Variants in ANKRD28 observed in about 807,000 individuals in gnomAD.
The protein encoded by ANKRD28 is ankyrin repeat domain 28, also known as serine/threonine-protein phosphatase 6 regulatory ankyrin repeat subunit A.
A neutral mutation model predicts 126.5 loss-of-function variants in ANKRD28; 44 were observed. That is an observed-to-expected ratio of 0.35 (90% CI 0.27 to 0.45). The LOEUF (loss-of-function observed/expected upper bound fraction) is 0.45, where lower values mean the gene tolerates loss of function less well. Among genes scored for constraint, ANKRD28 ranks in the 20% least tolerant of loss-of-function variants. The pLI is 1.00. For missense variants in ANKRD28, 1,110 were observed against 1,316.6 expected, an observed-to-expected ratio of 0.84 and a Z score of 2.43; for synonymous variants, 442 against 468.5, an observed-to-expected ratio of 0.94 and a Z score of 0.73.
intron 8 of ANKRD28, among the ~76,000 whole-genome samples, chr3:15,719,121 C>T (rs1156978331): frequency 1.3e-5 from 2 of 152,028 alleles, no homozygotes; most frequent in Admixed American, 6.6e-5. Context: ...TATTAGGGCA[C>T]TTTGTGACAT....
intron 4 of ANKRD28, among the ~76,000 whole-genome samples, chr3:15,741,697 C>CTTTTTTTTTT (rs58655271): frequency 4.8e-4 from 16 of 33,658 alleles, no homozygotes; most frequent in African/African-American, 7.2e-4. Flanking sequence ...TGGTTCTATC[C>CTTTTTTTTTT]TTTTTTTTTT....
intron 9 of ANKRD28, 72 bp from the exon 10 acceptor site, chr3:15,713,713 A>G (rs746565096): frequency 1.8e-4 from 170 of 967,398 alleles, no homozygotes; most frequent in Non-Finnish European, 2.5e-4. Flanking sequence ...ATGAAAAGTA[A>G]TAAAAAATGC....
At chr3:15,803,135 C>A (rs141913595) in intron 1 of ANKRD28, among the ~76,000 whole-genome samples, 1 of 152,240 alleles carries the variant, frequency 6.6e-6, no homozygotes, top group African/African-American at 2.4e-5. Context: ...ATTGAGAACT[C>A]ATTAAAAATT....
chr3:15,798,560 T>C (rs1281244909), upstream of ANKRD28, among the ~76,000 whole-genome samples: 1 of 152,142 alleles, frequency 6.6e-6, no homozygotes, highest in Non-Finnish European at 1.5e-5. Flanking sequence ...TATAAATCAT[T>C]TGATTTTTCA....
At chr3:15,674,960 C>A (rs567053945) in intron 27 of ANKRD28, among the ~76,000 whole-genome samples, 14 of 152,014 alleles carry the variant, frequency 9.2e-5, no homozygotes, top group African/African-American at 3.4e-4. Flanking sequence ...CCTGACTATA[C>A]GGAAATTAAG....
At chr3:15,794,064 T>C (rs919988006) in intron 2 of ANKRD28, among the ~76,000 whole-genome samples, 2 of 151,628 alleles carry the variant, frequency 1.3e-5, no homozygotes, top group Non-Finnish European at 2.9e-5. Context: ...AGCCAGACTC[T>C]GTCTCTAAAT....
upstream of ANKRD28, among the ~76,000 whole-genome samples, chr3:15,801,965 A>G (rs2060473742): frequency 6.6e-6 from 1 of 152,174 alleles, no homozygotes; most frequent in East Asian, 1.9e-4. This position sits in a 1 kb window ranked among gnomAD's most constrained non-coding sequence, Gnocchi z 4.9. Context: ...AACCCTTCCA[A>G]TATTAATAGT....
In ANKRD28 at chr3:15,766,231, T is replaced by C; in HGVS notation, c.280+3A>G. ...TGTTCTTATTACTCAGAGGTTACCA[T>C]ACCAGATAAAATAAGAAGTTCAATG... On this transcript the variant is annotated splice_donor_region_variant and intron_variant, in intron 3 of 27. Transcript: ENST00000683139. 1 of 1,608,122 alleles carries C rather than the reference T, an allele frequency of 6.2e-7. No individual in the cohort carries two copies.
Position 15,708,014 on chromosome 3 carries a change from G to C in ANKRD28, c.1457C>G (p.Ala486Gly). Residue 486 changes from alanine to glycine, a missense_variant, in exon 14 of 28, where the codon GCT becomes GGT. Transcript: ENST00000683139. Reference protein sequence around the residue: ...AANCNYQCLFALVGSGASVND... With the variant: ...AANCNYQCLFGLVGSGASVND... ...CACACTTGCTCCTGATCCCACAAGA[G>C]CAAACAGGCACTGGTAATTGCAGTT... The C allele has an allele frequency of 1.9e-6, 3 of 1,610,804 alleles. No homozygotes were observed. The highest frequency in any genetic ancestry group is 2.5e-6 in the Non-Finnish European group (3 of 1,178,558).
intron 2 of ANKRD28, among the ~76,000 whole-genome samples, chr3:15,779,411 A>G (rs1394888026): frequency 1.3e-5 from 2 of 152,252 alleles, no homozygotes; most frequent in African/African-American, 4.8e-5. Flanking sequence ...AGTATTTACT[A>G]AAGAGCTTAT....
intron 23 of ANKRD28, among the ~76,000 whole-genome samples, chr3:15,678,997 C>T (rs765417908): frequency 3.9e-5 from 6 of 152,250 alleles, no homozygotes; most frequent in Admixed American, 6.5e-5. Flanking sequence ...AGGGCCCAGA[C>T]GGGATCTCAC....
chr3:15,700,002 T>C (rs1304919462), intron 14 of ANKRD28, among the ~76,000 whole-genome samples: 1 of 152,172 alleles, frequency 6.6e-6, no homozygotes, highest in African/African-American at 2.4e-5. Context: ...CCATCAATGA[T>C]AGACTGGATT....
chr3:15,850,204 A>AAAAATATATAT (rs1486394619), intron 1 of ANKRD28, among the ~76,000 whole-genome samples: 10 of 54,828 alleles, frequency 1.8e-4, no homozygotes, highest in East Asian at 1.5e-3. Context: ...AAAAAAAAAA[A>AAAAATATATAT]ATATATATAT....
In ANKRD28 at chr3:15,816,726, TGTCAATC is replaced by T. The variant is rs2060839242; in HGVS notation, c.28-21427_28-21421del. The stretch of plus-strand genomic sequence containing the variant: ...CTTTTCATATAAAATTATCAAAGTA[TGTCAATC>T]GTCTCAATTTATATATAGAAGTTAT... On this transcript the variant is annotated intron_variant, in intron 1 of 27. Coordinates refer to the ANKRD28 transcript ENST00000399451. The surrounding 1 kb of genome is among the most constrained non-coding windows in gnomAD (Gnocchi z 5.0). 6.6e-6 allele frequency among the ~76,000 whole-genome samples: 1 copy of T among 152,214 alleles called. No individual in the cohort carries two copies. The highest frequency in any genetic ancestry group is 2.4e-5 in the African/African-American group (1 of 41,458).
chr3:15,725,594 T>C (rs940009720), intron 6 of ANKRD28, among the ~76,000 whole-genome samples: 1 of 152,172 alleles, frequency 6.6e-6, no homozygotes, highest in Non-Finnish European at 1.5e-5. Flanking sequence ...TCCATCAGCA[T>C]GTGTTCATTT....
At chr3:15,781,235 T>C (rs1167830709) in intron 2 of ANKRD28, among the ~76,000 whole-genome samples, 1 of 152,142 alleles carries the variant, frequency 6.6e-6, no homozygotes, top group East Asian at 1.9e-4. Context: ...TGACTAATTT[T>C]AGGTGTCCAT....
chr3:15,752,293 T>C (rs888551142), intron 3 of ANKRD28, among the ~76,000 whole-genome samples: 34 of 152,152 alleles, frequency 2.2e-4, no homozygotes, highest in African/African-American at 7.7e-4. Flanking sequence ...TTAAAACACA[T>C]TGTATAAGAT....
At chr3:15,818,926 T>C (rs114878446) in intron 1 of ANKRD28, among the ~76,000 whole-genome samples, 99 of 152,096 alleles carry the variant, frequency 6.5e-4, no homozygotes, top group African/African-American at 2.3e-3. Context: ...GGAAAAGAAA[T>C]TAGAAAAACC....
chr3:15,725,560 A>T (rs2074093388), intron 6 of ANKRD28, among the ~76,000 whole-genome samples: 1 of 150,532 alleles, frequency 6.6e-6, no homozygotes, highest in South Asian at 2.1e-4. Context: ...CCCGGTGTCA[A>T]GCAAGTCTAT....
Sources: gnomAD v4.1 joint callset for allele counts (sites outside exome capture counted in the v4.1 genomes callset) on GRCh38, gnomAD v4.1.1 for gene constraint, Gnocchi (gnomAD v3.1) non-coding constraint, MANE v1.5 for transcripts, NCBI Gene and HGNC (gene_info 2026-07-23, HGNC 2026-07-21) for gene names.